The following ZBTB46 variants were observed in gnomAD, a reference collection of about 807,000 sequenced individuals.
ZBTB46 encodes zinc finger and BTB domain-containing protein 46.
ZBTB46 carries 8 observed loss-of-function variants against 44.1 expected under a neutral mutation model. The observed-to-expected ratio is 0.18, with a 90% CI of 0.11 to 0.33. The LOEUF is 0.33. ZBTB46 is among the 10% of genes least tolerant of loss of function. ZBTB46 has a pLI of 1.00. For missense variants in ZBTB46, 651 were observed against 847.7 expected (o/e 0.77, Z 2.88); for synonymous variants, 409 against 382.3 (o/e 1.07, Z -0.81).
chr20:63,801,557 C>T (rs2092645399), intron 1 of ZBTB46, among the ~76,000 whole-genome samples: 1 of 152,150 alleles, frequency 6.6e-6, no homozygotes, highest in African/African-American at 2.4e-5. Flanking sequence ...TGTTCTTTTG[C>T]TCTTTGCAAT....
intron 2 of ZBTB46, among the ~76,000 whole-genome samples, chr20:63,784,182 T>C (rs922337603): frequency 6.6e-6 from 1 of 152,112 alleles, no homozygotes; most frequent in Non-Finnish European, 1.5e-5. Context: ...CAAAGAGCTC[T>C]GGGGGCGGTG....
intron 1 of ZBTB46, among the ~76,000 whole-genome samples, chr20:63,822,451 G>A (rs895650310): frequency 3.3e-5 from 5 of 152,206 alleles, no homozygotes; most frequent in Non-Finnish European, 7.3e-5. Context: ...TGGGCTCTAG[G>A]CCCCGACAAA....
chr20:63,793,644 A>C (rs1319288021), intron 1 of ZBTB46, among the ~76,000 whole-genome samples: 2 of 77,172 alleles, frequency 2.6e-5, no homozygotes, highest in African/African-American at 7.2e-5. Context: ...ACAACAACAA[A>C]AAAAATGCCA....
At chr20:63,831,494 G>C (rs986341294), upstream of ZBTB46, among the ~76,000 whole-genome samples, 1 of 146,392 alleles carries the variant, frequency 6.8e-6, no homozygotes, top group Admixed American at 6.7e-5. Flanking sequence ...CCGCGCCGGG[G>C]GTCCGTTCTC....
chr20:63,811,189 G>C (rs1176508878), intron 1 of ZBTB46, among the ~76,000 whole-genome samples: 1 of 143,378 alleles, frequency 7.0e-6, no homozygotes, highest in Non-Finnish European at 1.5e-5. Context: ...GCCCCACCCC[G>C]CCCAGCCCAC....
At chr20:63,800,966 G>T (rs533756445) in intron 1 of ZBTB46, among the ~76,000 whole-genome samples, 1 of 152,246 alleles carries the variant, frequency 6.6e-6, no homozygotes, top group African/African-American at 2.4e-5. Context: ...CCCCAGTGCC[G>T]GATCCACTCG....
intron 4 of ZBTB46, among the ~76,000 whole-genome samples, chr20:63,748,300 G>A (rs1255390498): frequency 1.3e-5 from 2 of 152,330 alleles, no homozygotes; most frequent in East Asian, 1.9e-4. Flanking sequence ...GGCAGGACGC[G>A]AGGTGCTGGG....
At chr20:63,795,609 C>T (rs1022086229) in intron 1 of ZBTB46, among the ~76,000 whole-genome samples, 1 of 152,240 alleles carries the variant, frequency 6.6e-6, no homozygotes, top group Non-Finnish European at 1.5e-5. Context: ...AGGGATTCAG[C>T]GGCGAGCCTG....
At chr20:63,808,804 C>A (rs1269183788) in intron 1 of ZBTB46, among the ~76,000 whole-genome samples, 1 of 151,670 alleles carries the variant, frequency 6.6e-6, no homozygotes, top group Non-Finnish European at 1.5e-5. Flanking sequence ...GAAACCCCGT[C>A]TCTACTAAAA....
At chr20:63,825,186 A>G (rs1459878043) in intron 1 of ZBTB46, among the ~76,000 whole-genome samples, 2 of 151,462 alleles carry the variant, frequency 1.3e-5, no homozygotes, top group Non-Finnish European at 2.9e-5. Context: ...GGATCACTTG[A>G]GGTCAGGAGT....
chr20:63,781,321 T>G (rs2092468569), intron 2 of ZBTB46, among the ~76,000 whole-genome samples: 1 of 152,084 alleles, frequency 6.6e-6, no homozygotes, highest in Admixed American at 6.6e-5. Context: ...GACCCAGATG[T>G]GGAGCAGGTG....
chr20:63,751,720 C>CTCCCCAT (rs1568828142), intron 4 of ZBTB46, among the ~76,000 whole-genome samples: 5 of 95,844 alleles, frequency 5.2e-5, no homozygotes, highest in East Asian at 5.3e-4. Context: ...CCCGGTGGGT[C>CTCCCCAT]GCACCATGAA....
Position 63,803,337 on chromosome 20 carries a change from C to T in ZBTB46, c.-33-12547G>A. ...TTAAATTTCATATACATCATATTAC[C>T]ATTGTTCGTGGTCGCATTTCAAAAT... On this transcript the variant is annotated intron_variant, in intron 1 of 4. Coordinates refer to ENST00000245663, the MANE Select transcript of ZBTB46 (RefSeq NM_001369741.1). The surrounding 1 kb of genome is among the most constrained non-coding windows in gnomAD (Gnocchi z 4.0). 3.0e-6 allele frequency: 3 copies of T among 985,408 alleles called. No homozygotes were observed. The highest frequency in any genetic ancestry group is 3.6e-6 in the Non-Finnish European group (3 of 829,916). The allele number at this position is 985,408 out of a possible 1,614,324, so 61.0% of individuals were successfully genotyped here. A position where few individuals can be genotyped will look rare whatever the true frequency, so the allele number is the denominator to read the frequency against.
At chr20:63,776,803 C>CA (rs35399406) in intron 2 of ZBTB46, among the ~76,000 whole-genome samples, 75,451 of 131,660 alleles carry the variant, frequency 0.57, 19,603 homozygotes, top group Admixed American at 0.62. Context: ...CGCTCTGTCT[C>CA]AAAAAAAAAA....
At chr20:63,823,749 A>G (rs1344175405) in intron 1 of ZBTB46, among the ~76,000 whole-genome samples, 5 of 152,196 alleles carry the variant, frequency 3.3e-5, no homozygotes, top group Middle Eastern at 3.4e-3. Flanking sequence ...TCCACGTCAC[A>G]CTGCATCCCT....
At chr20:63,817,588 C>T (rs777544635) in intron 1 of ZBTB46, among the ~76,000 whole-genome samples, 8 of 148,658 alleles carry the variant, frequency 5.4e-5, no homozygotes, top group Non-Finnish European at 1.0e-4. Flanking sequence ...TGGTGGCACA[C>T]GCCTGTAATC....
intron 1 of ZBTB46, among the ~76,000 whole-genome samples, chr20:63,827,419 A>G (rs979238472): frequency 6.6e-5 from 10 of 151,798 alleles, no homozygotes; most frequent in Non-Finnish European, 1.3e-4. Context: ...CATCCTGGCT[A>G]ACAAGGTGAA....
In ZBTB46 at chr20:63,803,689, C is replaced by T. The variant is rs1019605688; in HGVS notation, c.-33-12899G>A. ...GCCCAGGCCGCCTCCTCCGCCTTCC[C>T]GAACCTGGCTACCGTCACTTCCTTC... On this transcript the variant is annotated intron_variant, in intron 1 of 4. Coordinates refer to ENST00000245663, the MANE Select transcript of ZBTB46 (RefSeq NM_001369741.1). This position sits in a 1 kb window ranked among gnomAD's most constrained non-coding sequence, Gnocchi z 4.0. Among the ~76,000 whole-genome samples the T allele has an allele frequency of 1.3e-5, 2 of 152,098 alleles. No individual in the cohort carries two copies. Among genetic ancestry groups the T allele is most frequent in the South Asian group, 2.1e-4 (1 of 4,822 alleles).
intron 1 of ZBTB46, among the ~76,000 whole-genome samples, chr20:63,828,429 G>A (rs529970971): frequency 3.3e-5 from 5 of 152,356 alleles, no homozygotes; most frequent in South Asian, 2.1e-4. Flanking sequence ...TAGGAGTCAG[G>A]CCATTCAAGC....
Sources: gnomAD v4.1 joint callset for allele counts (sites outside exome capture counted in the v4.1 genomes callset) on GRCh38, gnomAD v4.1.1 for gene constraint, Gnocchi (gnomAD v3.1) non-coding constraint, MANE v1.5 for transcripts, NCBI Gene and HGNC (gene_info 2026-07-23, HGNC 2026-07-21) for gene names.